Variants in ATAD2 observed in about 807,000 individuals in gnomAD.
ATAD2 encodes the protein ATPase family AAA domain containing 2.
In ATAD2, 62 loss-of-function variants were observed where a neutral mutation model predicts 168.9. The observed-to-expected ratio is 0.37, with a 90% CI of 0.30 to 0.45. ATAD2 has a LOEUF of 0.45. ATAD2 is among the 20% of genes least tolerant of loss of function. ATAD2 has a pLI of 1.00. For missense variants in ATAD2, 1,419 were observed against 1,667.8 expected, an observed-to-expected ratio of 0.85 and a Z score of 2.60; for synonymous variants, 613 against 571.6, an observed-to-expected ratio of 1.07 and a Z score of -1.03.
chr8:123,359,460 G>A lies in ATAD2; in HGVS notation c.1266+117C>T, dbSNP rs1455788836. 25 of 1,227,840 alleles carry A rather than the reference G, an allele frequency of 2.0e-5. No individual in the cohort carries two copies. In the Admixed American group the frequency reaches 2.3e-4, roughly 11 times the overall value. 76.1% of individuals were successfully genotyped at this position (1,227,840 alleles called of 1,614,324 possible). ...TGTGACCTGAAGATTAACAGAAAAC[G>A]TCTGTAAAGGTTAGAGTTTTGACTA... On this transcript the variant is annotated intron_variant, in intron 10 of 27. Transcript: ENST00000287394.
At chr8:123,356,605 ATT>A in intron 12 of ATAD2, 128 bp from the exon 13 acceptor site, 2 of 443,582 alleles carry the variant, frequency 4.5e-6, no homozygotes, top group Non-Finnish European at 7.2e-6. Flanking sequence ...AATATATACT[ATT>A]TGAATCGGTT....
At chr8:123,332,953 C>T (rs1171525237) in intron 24 of ATAD2, among the ~76,000 whole-genome samples, 1 of 151,952 alleles carries the variant, frequency 6.6e-6, no homozygotes, top group African/African-American at 2.4e-5. Flanking sequence ...TGCCTCCTCC[C>T]ATTTTTTCAA....
intron 8 of ATAD2, among the ~76,000 whole-genome samples, chr8:123,362,543 G>A (rs1389780046): frequency 1.3e-5 from 2 of 151,292 alleles, no homozygotes; most frequent in East Asian, 1.9e-4. Flanking sequence ...AGCCTCCCGA[G>A]CAGCTGGGAT....
intron 1 of ATAD2, among the ~76,000 whole-genome samples, chr8:123,389,979 TA>T (rs1829774953): frequency 9.1e-6 from 1 of 110,296 alleles, no homozygotes; most frequent in Non-Finnish European, 1.7e-5. Context: ...TATATATATA[TA>T]TATATTTTTT....
At chr8:123,398,581 G>A (rs556207594), upstream of ATAD2, among the ~76,000 whole-genome samples, 10 of 152,284 alleles carry the variant, frequency 6.6e-5, no homozygotes, top group African/African-American at 2.2e-4. Context: ...GCGCAGCCAC[G>A]GTTCACTGCA....
chr8:123,378,727 C>CAAAAAAAAAAAAAAAAAA (rs1554646643), intron 2 of ATAD2, among the ~76,000 whole-genome samples: 5 of 91,022 alleles, frequency 5.5e-5, no homozygotes, highest in African/African-American at 1.6e-4. Context: ...AAAAAAAAAT[C>CAAAAAAAAAAAAAAAAAA]AAAATTCCAT....
At chr8:123,373,330 T>G (rs527602169) in intron 2 of ATAD2, among the ~76,000 whole-genome samples, 10 of 152,272 alleles carry the variant, frequency 6.6e-5, no homozygotes, top group African/African-American at 2.4e-4. Flanking sequence ...ATTATAGGTA[T>G]GAGCCACCAT....
At chr8:123,401,357 T>C, upstream of ATAD2, 1 of 1,404,516 alleles carries the variant, frequency 7.1e-7, no homozygotes. Context: ...CGCCTGGACC[T>C]GCTCACCCAG....
At position 123,345,033 on chromosome 8, in the gene ATAD2, C is replaced by G; in HGVS notation, c.2569G>C (p.Val857Leu). 1 of 1,613,612 alleles carries G rather than the reference C, an allele frequency of 6.2e-7. No individual in the cohort carries two copies. Among genetic ancestry groups the G allele is most frequent in the East Asian group, 2.2e-5 (1 of 44,866 alleles). Residue 857 changes from valine to leucine, a missense_variant, in exon 19 of 28, where the codon GTG becomes CTG. Val to Leu is a conservative substitution (Grantham distance 32). Transcript: ENST00000287394. ...CACACGTGGATATGAGGAACATACA[C>G]TATACTTGGTGCTGTTCTCTTAGCT... ...REAKRTAPSI[V>L]YVPHIHVWWE...
intron 1 of ATAD2, among the ~76,000 whole-genome samples, chr8:123,392,067 T>C (rs563922261): frequency 2.6e-4 from 39 of 152,250 alleles, no homozygotes; most frequent in African/African-American, 9.1e-4. Context: ...TTATGGCAAA[T>C]AGTCTCTGTA....
intron 24 of ATAD2, among the ~76,000 whole-genome samples, chr8:123,329,043 C>T (rs1360623199): frequency 7.9e-5 from 12 of 152,076 alleles, no homozygotes; most frequent in East Asian, 1.9e-4. Context: ...CCTCGTGATC[C>T]GCCCGCCTCG....
At chr8:123,342,613 G>A (rs930035978) in intron 19 of ATAD2, 2 of 152,164 alleles carry the variant, frequency 1.3e-5, no homozygotes, top group African/African-American at 4.8e-5. Flanking sequence ...CGACAGTGTA[G>A]GGTATGAAAC....
intron 1 of ATAD2, among the ~76,000 whole-genome samples, chr8:123,403,065 C>T (rs1019883796): frequency 2.6e-5 from 4 of 152,026 alleles, no homozygotes; most frequent in African/African-American, 4.8e-5. Context: ...GGCAAGATGG[C>T]GCGCTTCAAG....
intron 15 of ATAD2, 115 bp from the exon 16 acceptor site, chr8:123,347,521 T>A: frequency 5.7e-6 from 6 of 1,047,068 alleles, no homozygotes. Flanking sequence ...CGGAATATAG[T>A]TAGCAAATAT....
chr8:123,334,669 T>G (rs1827865303), intron 22 of ATAD2, among the ~76,000 whole-genome samples: 1 of 152,068 alleles, frequency 6.6e-6, no homozygotes, highest in South Asian at 2.1e-4. Context: ...GAACAAAGAA[T>G]GTGAAAGAAT....
chr8:123,406,416 T>C (rs1563872704), intron 1 of ATAD2, among the ~76,000 whole-genome samples: 1 of 141,904 alleles, frequency 7.0e-6, no homozygotes, highest in Non-Finnish European at 1.5e-5. Context: ...TTAATAAAAT[T>C]AAAAAAAAAA....
intron 19 of ATAD2, among the ~76,000 whole-genome samples, chr8:123,343,145 C>T (rs959239730): frequency 3.9e-5 from 6 of 151,948 alleles, no homozygotes; most frequent in Admixed American, 6.6e-5. Flanking sequence ...TCACCATGTC[C>T]GGCTAATTTT....
upstream of ATAD2, chr8:123,400,746 G>A: frequency 2.6e-6 from 2 of 771,790 alleles, 1 homozygote; most frequent in South Asian, 2.7e-5. The surrounding 1 kb of genome is among the most constrained non-coding windows in gnomAD (Gnocchi z 4.5). Context: ...CCCTTACCTG[G>A]AAGATCACGC....
upstream of ATAD2, among the ~76,000 whole-genome samples, chr8:123,397,240 C>CAA (rs71310670): frequency 9.3e-3 from 369 of 39,534 alleles, 4 homozygotes; most frequent in Admixed American, 0.016. Context: ...GACTCTGTCT[C>CAA]AAAAAAAAAA....
Sources: allele counts gnomAD v4.1 joint callset (sites outside exome capture counted in the v4.1 genomes callset), GRCh38; gene constraint gnomAD v4.1.1; non-coding constraint Gnocchi (gnomAD v3.1); transcripts MANE v1.5; gene names NCBI Gene and HGNC (gene_info 2026-07-23, HGNC 2026-07-21).